RASEF: variants seen among roughly 807,000 people sequenced by gnomAD.
The protein encoded by RASEF is ras and EF-hand domain-containing protein.
In RASEF, 68 loss-of-function variants were observed where a neutral mutation model predicts 90.1. That is an observed-to-expected ratio of 0.75 (90% CI 0.62 to 0.92). RASEF has a LOEUF of 0.92. RASEF is among the 40% of genes least tolerant of loss of function. The pLI is 0.00. For missense variants in RASEF, 949 were observed against 937.2 expected, an observed-to-expected ratio of 1.01 and a Z score of -0.16; for synonymous variants, 331 against 345.2, an observed-to-expected ratio of 0.96 and a Z score of 0.46.
chr9:83,045,953 G>C (rs537733134), intron 1 of RASEF, among the ~76,000 whole-genome samples: 2 of 150,766 alleles, frequency 1.3e-5, no homozygotes, highest in South Asian at 4.2e-4. Context: ...TCAGATCCTT[G>C]TGCATTTTGT....
At chr9:83,013,006 A>G (rs1434894199) in intron 4 of RASEF, among the ~76,000 whole-genome samples, 3 of 152,236 alleles carry the variant, frequency 2.0e-5, no homozygotes, top group African/African-American at 7.2e-5. Flanking sequence ...TAAATAACTA[A>G]AATCAATAAA....
At chr9:83,095,319 G>A in the RASEF span, among the ~76,000 whole-genome samples, 1 of 151,978 alleles carries the variant, frequency 6.6e-6, no homozygotes, top group African/African-American at 2.4e-5. Context: ...CATCACTGAA[G>A]CAGGGGACTC....
chr9:82,999,852 G>A (rs1587483432), intron 12 of RASEF, among the ~76,000 whole-genome samples: 1 of 151,834 alleles, frequency 6.6e-6, no homozygotes, highest in Admixed American at 6.6e-5. Flanking sequence ...GATCTGCCTG[G>A]CTCGGCCTCC....
the RASEF span, among the ~76,000 whole-genome samples, chr9:83,144,147 A>G: frequency 6.6e-6 from 1 of 151,798 alleles, no homozygotes; most frequent in East Asian, 1.9e-4. Context: ...ACTGTGGATT[A>G]CTAGAAGGGA....
rs1829461426 is a variant in RASEF, at chr9:83,022,424, G to A, written c.581C>T (p.Ala194Val). 6.2e-7 allele frequency: 1 copy of A among 1,612,444 alleles called. No individual in the cohort carries two copies. Among genetic ancestry groups the A allele is most frequent in the Non-Finnish European group, 8.5e-7 (1 of 1,178,614 alleles). ...MENLAIAVKR[A>V]QDKAAMQLSE... is the part of the protein sequence containing the mutation. ...CAACTGCATAGCTGCCTTGTCCTGG[G>A]CTCTGAAATTCAAAAGGATGCACAC... is the stretch of plus-strand genomic sequence containing the variant. The change falls in exon 3 of 17, where the codon GCC (alanine) becomes GTC (valine). Residue 194 changes from alanine (A) to valine (V), a missense_variant and splice_region_variant. Around this residue, in one of 3 missense-constraint regions of RASEF, gnomAD observed 656 missense variants for 592.2 expected, o/e 1.11. Transcript: ENST00000376447.
the RASEF span, among the ~76,000 whole-genome samples, chr9:83,110,332 C>G: frequency 6.6e-6 from 1 of 152,152 alleles, no homozygotes; most frequent in Admixed American, 6.5e-5. Flanking sequence ...GGCTTGAGGT[C>G]AAGCAGGCAC....
the RASEF span, among the ~76,000 whole-genome samples, chr9:83,083,818 G>C: frequency 6.6e-6 from 1 of 151,960 alleles, no homozygotes; most frequent in Non-Finnish European, 1.5e-5. Context: ...AAAAAGCTTA[G>C]CAATATTTAT....
At chr9:83,079,206 T>C in the RASEF span, among the ~76,000 whole-genome samples, 2 of 152,344 alleles carry the variant, frequency 1.3e-5, no homozygotes, top group Admixed American at 6.5e-5. Context: ...AAGTCTTTAA[T>C]CCATCTTGAG....
intron 2 of RASEF, among the ~76,000 whole-genome samples, chr9:83,024,434 T>A (rs73469413): frequency 0.03 from 4,514 of 152,240 alleles, 207 homozygotes; most frequent in African/African-American, 0.1. Context: ...TGTGTACCTA[T>A]GTGTGTACCT....
At chr9:83,110,844 AG>A in the RASEF span, among the ~76,000 whole-genome samples, 14 of 152,278 alleles carry the variant, frequency 9.2e-5, no homozygotes, top group African/African-American at 3.4e-4. Flanking sequence ...TCCAGGAATC[AG>A]GAAAAAGAAA....
chr9:82,988,538 G>A (rs1828753924), intron 16 of RASEF, among the ~76,000 whole-genome samples: 1 of 152,154 alleles, frequency 6.6e-6, no homozygotes, highest in African/African-American at 2.4e-5. Flanking sequence ...CGGTGTTAGA[G>A]GTGGGGCCTC....
At chr9:83,036,814 C>A (rs1829748542) in intron 1 of RASEF, among the ~76,000 whole-genome samples, 1 of 151,868 alleles carries the variant, frequency 6.6e-6, no homozygotes, top group African/African-American at 2.4e-5. Context: ...TGTACTACAC[C>A]AAAGCAAGAT....
At chr9:83,194,964 G>A in the RASEF span, among the ~76,000 whole-genome samples, 22 of 152,264 alleles carry the variant, frequency 1.4e-4, no homozygotes, top group African/African-American at 4.3e-4. Context: ...TCTCTCCAAG[G>A]AGACCTGGTT....
At chr9:83,089,662 T>C in the RASEF span, among the ~76,000 whole-genome samples, 5 of 152,148 alleles carry the variant, frequency 3.3e-5, no homozygotes, top group African/African-American at 1.2e-4. Context: ...TGAGGATCCT[T>C]TGTAGGTGAT....
At chr9:82,985,961 G>A (rs904689571) in intron 16 of RASEF, among the ~76,000 whole-genome samples, 17 of 152,150 alleles carry the variant, frequency 1.1e-4, no homozygotes, top group Admixed American at 1.3e-4. Context: ...TGGCTATGGC[G>A]TTTCCGGTGG....
chr9:83,065,128 T>A (rs1233767249), upstream of RASEF, among the ~76,000 whole-genome samples: 1 of 152,164 alleles, frequency 6.6e-6, no homozygotes, highest in Non-Finnish European at 1.5e-5. Context: ...GTCTTGTGCA[T>A]GCATTTTTCT....
chr9:83,062,376 A>T lies in RASEF; in HGVS notation c.431+61T>A, dbSNP rs141523688. Reference sequence around the variant, plus strand: ...CATTGGGTCTGCACACCTGCAAGTAAGTGGGAAGAAGCAAGCAGGAAGCGC... The same window carrying T: ...CATTGGGTCTGCACACCTGCAAGTATGTGGGAAGAAGCAAGCAGGAAGCGC... On this transcript the variant is annotated intron_variant, in intron 1 of 16. Coordinates refer to ENST00000376447, the MANE Select transcript of RASEF (RefSeq NM_152573.4). The T allele has an allele frequency of 1.3e-3, 1,985 of 1,550,636 alleles. 19 individuals are homozygous for T. The African/African-American group carries it at 0.024, about 19-fold the overall frequency.
At chr9:83,183,264 A>G in the RASEF span, among the ~76,000 whole-genome samples, 10 of 2,820 alleles carry the variant, frequency 3.5e-3, no homozygotes, top group Non-Finnish European at 5.2e-3. Flanking sequence ...GTGTGTGTGT[A>G]TATATATATA....
In RASEF at chr9:83,012,463, A is replaced by G. The variant is rs184427529; in HGVS notation, c.814T>C (p.Leu272=). The G allele has an allele frequency of 9.9e-5, 157 of 1,589,824 alleles. No individual in the cohort carries two copies. In the East Asian group the frequency reaches 2.0e-3, roughly 20 times the overall value. The change falls in exon 5 of 17, where the codon TTG becomes CTG. Residue 272 remains leucine (L), a synonymous_variant. Transcript: ENST00000376447. The stretch of plus-strand genomic sequence containing the variant: ...GATAAATCATAAATTTGTTTTTTCA[A>G]TGCAGCCACATCTTCCTTTTGACTT... ...RVSQKEDVAA[L]KKQIYDLSME...
Sources: allele counts gnomAD v4.1 joint callset (sites outside exome capture counted in the v4.1 genomes callset), GRCh38; gene constraint gnomAD v4.1.1; regional missense constraint gnomAD v4.1.1; transcripts MANE v1.5; gene names NCBI Gene and HGNC (gene_info 2026-07-23, HGNC 2026-07-21).